Variants in PUDP observed in about 807,000 individuals in gnomAD.
PUDP encodes the protein pseudouridine-5'-phosphatase.
Under a neutral mutation model 9.4 loss-of-function variants are expected in PUDP, and 8 were observed. The ratio of observed to expected loss-of-function variants is 0.85; its 90% confidence interval spans 0.50 to 1.53. PUDP has a LOEUF of 1.53. PUDP is among the 40% of genes most tolerant of loss of function. The pLI, the probability that PUDP is intolerant of heterozygous loss-of-function variation, is 0.00. For missense variants in PUDP, 188 were observed against 189.7 expected (o/e 0.99, Z 0.05); for synonymous variants, 99 against 80.7 (o/e 1.23, Z -1.22).
At chrX:6,801,939 A>G (rs987997435) in intron 3 of PUDP, among the ~76,000 whole-genome samples, 1 of 111,656 alleles carries the variant, frequency 9.0e-6, no homozygotes, top group Admixed American at 9.5e-5. Context: ...ATAAATGGAA[A>G]GTTTTATGGT....
At position 6,841,776 on chromosome X, in the gene PUDP, T is replaced by C. The variant is rs768315918; in HGVS notation, c.*248-135310A>G. Among the ~76,000 whole-genome samples, 107 of 112,071 alleles carry C rather than the reference T, an allele frequency of 9.5e-4. 1 individual carries two copies. The highest frequency in any genetic ancestry group is 3.4e-3 in the African/African-American group (104 of 30,850). On this transcript the variant is annotated intron_variant and NMD_transcript_variant, in intron 3 of 3. Coordinates refer to the PUDP transcript ENST00000655425. ...GGGTCAAATTTCTTTCTTTGTTTTT[T>C]TCTTTTTAGAGATGGGATCTCACTG...
intron 2 of PUDP, among the ~76,000 whole-genome samples, chrX:7,080,844 AG>A (rs1931061364): frequency 1.9e-5 from 2 of 106,905 alleles, no homozygotes; most frequent in African/African-American, 3.4e-5. Flanking sequence ...GCTTGAACCT[AG>A]GAAGTGGAGG....
chrX:6,776,034 G>A (rs1375344519), intron 3 of PUDP, among the ~76,000 whole-genome samples: 1 of 112,067 alleles, frequency 8.9e-6, no homozygotes, highest in Non-Finnish European at 1.9e-5. Flanking sequence ...CACGGTGGCT[G>A]TGCCACTTTA....
rs762240657 is a variant in PUDP at position 7,032,881 on chromosome X, G to C, written c.204+44339C>G. On this transcript the variant is annotated intron_variant and NMD_transcript_variant, in intron 1 of 3. Coordinates refer to the PUDP transcript ENST00000655425. ...AAAACCACAAAAAGTTATTGTGATGGTTAATATTGAGTGTCAACTTGATTG... is the reference window on the plus strand; with the variant it reads ...AAAACCACAAAAAGTTATTGTGATGCTTAATATTGAGTGTCAACTTGATTG... Among the ~76,000 whole-genome samples, 10 of 112,013 alleles carry C rather than the reference G, an allele frequency of 8.9e-5. No individual in the cohort carries two copies. The East Asian group carries it at 2.8e-3, about 31-fold the overall frequency.
chrX:7,091,288 C>G (rs1262988456), intron 2 of PUDP, among the ~76,000 whole-genome samples: 1 of 111,990 alleles, frequency 8.9e-6, no homozygotes, highest in Non-Finnish European at 1.9e-5. Context: ...CTAGGTTTCA[C>G]TAGAATGTGG....
chrX:6,895,484 A>G (rs1927577432), intron 3 of PUDP, among the ~76,000 whole-genome samples: 1 of 108,429 alleles, frequency 9.2e-6, no homozygotes, highest in South Asian at 3.9e-4. Context: ...TAATACTAAT[A>G]TGTTATTATA....
At chrX:7,050,607 T>G (rs1602730117) in intron 3 of PUDP, 135 bp from the exon 4 acceptor site, 2 of 589,541 alleles carry the variant, frequency 3.4e-6, no homozygotes, top group East Asian at 7.3e-5. Flanking sequence ...CTCCCCAGAG[T>G]AGAGATTGTG....
intron 2 of PUDP, among the ~76,000 whole-genome samples, chrX:7,088,803 T>C (rs757230324): frequency 1.8e-5 from 2 of 111,757 alleles, no homozygotes; most frequent in Non-Finnish European, 3.8e-5. Context: ...CTTCGCAGTA[T>C]AATGCCCTTT....
At position 6,850,113 on chromosome X, in the gene PUDP, TA is replaced by T. The variant is rs376343784; in HGVS notation, c.*247+127019del. Among the ~76,000 whole-genome samples the T allele has an allele frequency of 2.1e-3, 209 of 101,684 alleles. 1 individual carries two copies. Among genetic ancestry groups the T allele is most frequent in the Admixed American group, 2.1e-3 (20 of 9,426 alleles). 88.3% of individuals were successfully genotyped at this position (101,684 alleles called of 115,157 possible). A position where few individuals can be genotyped will look rare whatever the true frequency, so the allele number is the denominator to read the frequency against. On this transcript the variant is annotated intron_variant and NMD_transcript_variant, in intron 3 of 3. Coordinates refer to the PUDP transcript ENST00000655425. ...GTTCTAGAAGGGGCAAGACATAAAT[TA>T]AAAAAAAAAAAGGAGATTGGAATTC... is the stretch of plus-strand genomic sequence containing the variant.
intron 1 of PUDP, among the ~76,000 whole-genome samples, chrX:7,025,751 C>T (rs1379251103): frequency 8.9e-6 from 1 of 112,230 alleles, no homozygotes; most frequent in East Asian, 2.8e-4. Context: ...GCTGATTCTC[C>T]AGTACAAAGC....
At chrX:7,143,106 T>C (rs1932813316) in intron 1 of PUDP, among the ~76,000 whole-genome samples, 1 of 109,654 alleles carries the variant, frequency 9.1e-6, no homozygotes, top group Non-Finnish European at 1.9e-5. Flanking sequence ...AGCAAAAGAA[T>C]TACAACTCAC....
At chrX:6,722,239 A>C (rs2146655776), upstream of PUDP, among the ~76,000 whole-genome samples, 1 of 111,545 alleles carries the variant, frequency 9.0e-6, no homozygotes, top group East Asian at 2.8e-4. Context: ...TGAGGTCAGC[A>C]GTTCAAGACC....
intron 3 of PUDP, among the ~76,000 whole-genome samples, chrX:6,902,369 G>A (rs948916731): frequency 1.8e-5 from 2 of 111,944 alleles, no homozygotes; most frequent in African/African-American, 6.5e-5. Flanking sequence ...AATTCCTGGT[G>A]GAAGTGGCTG....
chrX:6,789,065 G>A (rs5948761), intron 3 of PUDP, among the ~76,000 whole-genome samples: 23,419 of 110,604 alleles, frequency 0.21, 1,824 homozygotes, highest in Admixed American at 0.28. Context: ...TGAGGCAGGC[G>A]GATCACTTGA....
intron 1 of PUDP, among the ~76,000 whole-genome samples, chrX:6,981,208 C>A (rs1929027951): frequency 9.0e-6 from 1 of 111,677 alleles, no homozygotes; most frequent in Middle Eastern, 4.2e-3. Context: ...TCAAAATGAG[C>A]CAGTTGGTGG....
At chrX:7,101,446 A>G (rs1196944566) in intron 2 of PUDP, among the ~76,000 whole-genome samples, 1 of 110,490 alleles carries the variant, frequency 9.1e-6, no homozygotes, top group African/African-American at 3.4e-5. Flanking sequence ...ACTTAATCTG[A>G]TACCTGCTCG....
chrX:6,834,725 G>C (rs1484739153), intron 3 of PUDP, among the ~76,000 whole-genome samples: 2 of 111,496 alleles, frequency 1.8e-5, no homozygotes, highest in Non-Finnish European at 3.8e-5. Flanking sequence ...CCTGAAGGCT[G>C]GAAGTCCAAA....
chrX:7,108,324 G>A (rs1931944721), intron 1 of PUDP, among the ~76,000 whole-genome samples: 1 of 112,113 alleles, frequency 8.9e-6, no homozygotes, highest in Admixed American at 9.4e-5. Context: ...CACTGCACTT[G>A]CCTGGGGAAC....
At chrX:6,832,987 T>TACACACACAC (rs200319848) in intron 3 of PUDP, among the ~76,000 whole-genome samples, 1 of 106,305 alleles carries the variant, frequency 9.4e-6, no homozygotes, top group African/African-American at 3.5e-5. Flanking sequence ...CTCTCTGACA[T>TACACACACAC]ACACACACAC....
Sources: allele counts gnomAD v4.1 joint callset (sites outside exome capture counted in the v4.1 genomes callset), GRCh38; gene constraint gnomAD v4.1.1; transcripts MANE v1.5; gene names NCBI Gene and HGNC (gene_info 2026-07-23, HGNC 2026-07-21).